The following BNC2 variants were observed in gnomAD, a reference collection of about 807,000 sequenced individuals.
BNC2 encodes the protein basonuclin zinc finger protein 2, also known as zinc finger protein basonuclin-2.
In BNC2, 20 loss-of-function variants were observed where a neutral mutation model predicts 76.3. That is an observed-to-expected ratio of 0.26 (90% CI 0.18 to 0.38). The LOEUF (loss-of-function observed/expected upper bound fraction) is 0.38. Among genes scored for constraint, BNC2 ranks in the 10% least tolerant of loss-of-function variants. The pLI, the probability that BNC2 is intolerant of heterozygous loss-of-function variation, is 1.00. For missense variants in BNC2, 1,382 were observed against 1,399.8 expected, an observed-to-expected ratio of 0.99 and a Z score of 0.20; for synonymous variants, 582 against 514.8, an observed-to-expected ratio of 1.13 and a Z score of -1.77.
chr9:16,423,775 T>C (rs2119169427), intron 6 of BNC2, among the ~76,000 whole-genome samples: 1 of 152,274 alleles, frequency 6.6e-6, no homozygotes, highest in African/African-American at 2.4e-5. Context: ...TGCCACAAAA[T>C]TAGGGCTTGA....
chr9:16,711,241 G>GTA (rs1823837900), intron 3 of BNC2, among the ~76,000 whole-genome samples: 1 of 152,116 alleles, frequency 6.6e-6, no homozygotes, highest in Admixed American at 6.5e-5. Flanking sequence ...TGAAACTACA[G>GTA]AACAACAGGG....
intron 1 of BNC2, among the ~76,000 whole-genome samples, chr9:16,774,753 C>CA (rs1404259070): frequency 2.0e-5 from 3 of 152,042 alleles, no homozygotes; most frequent in African/African-American, 7.2e-5. Flanking sequence ...CATTTTTCTA[C>CA]AAAAAAACTA....
rs1290592133 is a variant in BNC2, at chr9:16,416,145, A to G, written c.*2844T>C. On this transcript the variant is annotated 3_prime_UTR_variant, in exon 7 of 7. Coordinates refer to ENST00000380672, the MANE Select transcript of BNC2 (RefSeq NM_017637.6). ...CGAGGGCTATCTGACCTTTTATTTG[A>G]CATTAAATTAAACAGACTAAACATT... is the stretch of plus-strand genomic sequence containing the variant. 1 of 152,212 alleles carries G rather than the reference A, an allele frequency of 6.6e-6. No individual in the cohort carries two copies. Among genetic ancestry groups the G allele is most frequent in the African/African-American group, 2.4e-5 (1 of 41,458 alleles). 9.4% of individuals were successfully genotyped at this position (152,212 alleles called of 1,614,324 possible). A position where few individuals can be genotyped will look rare whatever the true frequency, so the allele number is the denominator to read the frequency against.
chr9:16,774,067 T>C (rs866162529), intron 1 of BNC2, among the ~76,000 whole-genome samples: 14 of 152,130 alleles, frequency 9.2e-5, no homozygotes, highest in African/African-American at 3.1e-4. Flanking sequence ...CTGCAACCTT[T>C]GTCTCCCAGG....
At chr9:16,719,584 T>C (rs578047651) in intron 3 of BNC2, among the ~76,000 whole-genome samples, 5 of 152,182 alleles carry the variant, frequency 3.3e-5, no homozygotes, top group African/African-American at 9.6e-5. Context: ...TTCATGACAG[T>C]CTCAAAAAAG....
intron 1 of BNC2, among the ~76,000 whole-genome samples, chr9:16,836,400 C>T (rs1042886578): frequency 1.3e-5 from 2 of 151,100 alleles, no homozygotes; most frequent in African/African-American, 4.9e-5. Context: ...TTCTTAGAAA[C>T]ATAAAGGGGT....
At chr9:16,819,841 T>TA (rs1427842682) in intron 1 of BNC2, among the ~76,000 whole-genome samples, 1 of 151,450 alleles carries the variant, frequency 6.6e-6, no homozygotes, top group African/African-American at 2.4e-5. Flanking sequence ...AAAATGGCAA[T>TA]AGGCCAGGTG....
intron 3 of BNC2, among the ~76,000 whole-genome samples, chr9:16,637,868 G>A (rs558460274): frequency 1.3e-5 from 2 of 152,176 alleles, no homozygotes; most frequent in African/African-American, 2.4e-5. Context: ...TTCAAAATGC[G>A]AACAGTATTG....
chr9:16,516,275 T>C (rs1817423491), intron 5 of BNC2, among the ~76,000 whole-genome samples: 1 of 151,992 alleles, frequency 6.6e-6, no homozygotes, highest in African/African-American at 2.4e-5. Context: ...GGGGCTGGTG[T>C]AGATAACGTT....
At chr9:16,639,290 T>C (rs1232218482) in intron 3 of BNC2, among the ~76,000 whole-genome samples, 1 of 152,182 alleles carries the variant, frequency 6.6e-6, no homozygotes, top group African/African-American at 2.4e-5. Context: ...TGTTAAGCAA[T>C]GGAAAAAATC....
At chr9:16,660,590 A>C (rs1822083571) in intron 3 of BNC2, among the ~76,000 whole-genome samples, 1 of 152,212 alleles carries the variant, frequency 6.6e-6, no homozygotes. Context: ...AACAAAGCCA[A>C]ACTTTATTGG....
At chr9:16,785,028 T>C (rs1363741027) in intron 1 of BNC2, among the ~76,000 whole-genome samples, 1 of 152,230 alleles carries the variant, frequency 6.6e-6, no homozygotes, top group East Asian at 1.9e-4. Context: ...TACAGTATTC[T>C]CTGTATGTGC....
At chr9:16,766,788 T>G in intron 1 of BNC2, among the ~76,000 whole-genome samples, 1 of 152,206 alleles carries the variant, frequency 6.6e-6, no homozygotes, top group East Asian at 1.9e-4. Context: ...ATTAAATGGT[T>G]TGGGAAGGTT....
chr9:16,633,564 ATACCAATATATTCT>A (rs1335997540), intron 3 of BNC2, among the ~76,000 whole-genome samples: 5 of 152,190 alleles, frequency 3.3e-5, no homozygotes, highest in African/African-American at 1.2e-4. Context: ...AATTATGTCT[ATACCAATATATTCT>A]TGGTTTGTTT....
chr9:16,465,629 T>G lies in BNC2; in HGVS notation c.670-28105A>C, dbSNP rs1821689684. 4.6e-5 allele frequency among the ~76,000 whole-genome samples: 7 copies of G among 152,120 alleles called. No homozygotes were observed. In the South Asian group the frequency reaches 1.5e-3, roughly 32 times the overall value. On this transcript the variant is annotated intron_variant, in intron 5 of 6. Coordinates refer to ENST00000380672, the MANE Select transcript of BNC2 (RefSeq NM_017637.6). ...ACGTACTTACAATACTAATATTTAA[T>G]GCCTTATAAATATATTACACATATA...
chr9:16,721,181 C>A (rs1045082706), intron 3 of BNC2, among the ~76,000 whole-genome samples: 2 of 152,122 alleles, frequency 1.3e-5, no homozygotes, highest in African/African-American at 4.8e-5. Context: ...AGACCTTGAG[C>A]TGCTTAGCAG....
chr9:16,572,139 C>G (rs10962493), intron 4 of BNC2, among the ~76,000 whole-genome samples: 148 of 151,900 alleles, frequency 9.7e-4, no homozygotes, highest in Non-Finnish European at 1.5e-3. Context: ...ACTGGAAAGC[C>G]GAAGGTATTT....
intron 3 of BNC2, among the ~76,000 whole-genome samples, chr9:16,724,041 AT>A (rs1418442645): frequency 6.6e-6 from 1 of 152,092 alleles, no homozygotes; most frequent in Non-Finnish European, 1.5e-5. Flanking sequence ...GCAGAGAGTC[AT>A]TTATAATCCT....
chr9:16,590,490 G>C (rs1819894341), intron 3 of BNC2, among the ~76,000 whole-genome samples: 1 of 151,740 alleles, frequency 6.6e-6, no homozygotes, highest in Non-Finnish European at 1.5e-5. Context: ...ACTGTGCCTG[G>C]CTTAAAAAAA....
Sources: allele counts gnomAD v4.1 joint callset (sites outside exome capture counted in the v4.1 genomes callset), GRCh38; gene constraint gnomAD v4.1.1; transcripts MANE v1.5; gene names NCBI Gene and HGNC (gene_info 2026-07-23, HGNC 2026-07-21).